Variants in CSF1 observed in about 807,000 individuals in gnomAD.
The protein encoded by CSF1 is colony stimulating factor 1.
In CSF1, 9 loss-of-function variants were observed where a neutral mutation model predicts 48.9. The observed-to-expected ratio is 0.18, with a 90% CI of 0.11 to 0.32. The LOEUF is 0.32. Among genes scored for constraint, CSF1 ranks in the 10% least tolerant of loss-of-function variants. CSF1 has a pLI of 1.00. For missense variants in CSF1, 672 were observed against 697.9 expected (o/e 0.96, Z 0.42); for synonymous variants, 305 against 284.1 (o/e 1.07, Z -0.74).
In CSF1 at chr1:109,923,411, C is replaced by T; in HGVS notation, c.790C>T (p.Pro264Ser). 1 of 1,614,004 alleles carries T rather than the reference C, an allele frequency of 6.2e-7. No homozygotes were observed. The highest frequency in any genetic ancestry group is 1.3e-5 in the African/African-American group (1 of 75,018). The part of the protein sequence containing the change: ...PRSTCQSFEP[P>S]ETPVVKDSTI... ...GAGCACCTGCCAGAGCTTTGAGCCG[C>T]CAGAGACCCCAGTTGTCAAGGACAG... The change falls in exon 6 of 9, where the codon CCA (proline) becomes TCA (serine). Residue 264 changes from proline to serine, a missense_variant. Around this residue, in one of 3 missense-constraint regions of CSF1, gnomAD observed 591 missense variants for 593.6 expected, o/e 1.00. Coordinates refer to ENST00000329608, the MANE Select transcript of CSF1 (RefSeq NM_000757.6).
rs777128320 is a variant in CSF1 at position 109,923,610 on chromosome 1, G to C, written c.989G>C (p.Gly330Ala). The change falls in exon 6 of 9, where the codon GGG (glycine) becomes GCG (alanine). Residue 330 changes from glycine to alanine, a missense_variant. Gly to Ala is a moderately conservative substitution (Grantham distance 60, BLOSUM62 0). Coordinates refer to ENST00000329608, the MANE Select transcript of CSF1 (RefSeq NM_000757.6). Reference sequence around the variant, plus strand: ...GAGCTTTCCCCCTCCAGGCCAGGAGGGGGCAGCATGCAGACAGAGCCCGCC... The same window carrying C: ...GAGCTTTCCCCCTCCAGGCCAGGAGCGGGCAGCATGCAGACAGAGCCCGCC... The part of the protein sequence containing the change: ...GTELSPSRPG[G>A]GSMQTEPARP... 17 of 1,614,032 alleles carry C rather than the reference G, an allele frequency of 1.1e-5. No homozygotes were observed. In the African/African-American group the frequency reaches 1.7e-4, roughly 16 times the overall value.
In CSF1 at chr1:109,910,998, C is replaced by A. The variant is rs1347288715; in HGVS notation, c.-26C>A. 2 of 1,164,560 alleles carry A rather than the reference C, an allele frequency of 1.7e-6. No individual in the cohort carries two copies. Among genetic ancestry groups the A allele is most frequent in the African/African-American group, 1.6e-5 (1 of 61,242 alleles). 72.1% of individuals were successfully genotyped at this position (1,164,560 alleles called of 1,614,324 possible). A position where few individuals can be genotyped will look rare whatever the true frequency, so the allele number is the denominator to read the frequency against. ...AGCGAGCGAGCGAGGGCGGCCGACG[C>A]GCCCGGCCGGGACCCAGCTGCCCGT... On this transcript the variant is annotated 5_prime_UTR_variant, in exon 1 of 9. Transcript: ENST00000329608.
At chr1:109,917,555 A>G in intron 4 of CSF1, 92 bp downstream of exon 4, 1 of 1,235,440 alleles carries the variant, frequency 8.1e-7, no homozygotes, top group East Asian at 2.3e-5. Flanking sequence ...ACATTCGCTC[A>G]CCTCGCCTCA....
intron 4 of CSF1, 75 bp from the exon 5 acceptor site, chr1:109,921,772 G>A: frequency 6.9e-7 from 1 of 1,459,596 alleles, no homozygotes; most frequent in Non-Finnish European, 9.1e-7. Context: ...GAAAGGCCAA[G>A]GGAATTTGAC....
intron 1 of CSF1, among the ~76,000 whole-genome samples, chr1:109,913,844 C>T (rs773110753): frequency 1.6e-4 from 24 of 152,226 alleles, no homozygotes; most frequent in Non-Finnish European, 3.2e-4. Context: ...GGTGCATGAA[C>T]ATGAACTTGA....
chr1:109,913,762 G>A (rs958984952), intron 1 of CSF1, among the ~76,000 whole-genome samples: 1 of 152,250 alleles, frequency 6.6e-6, no homozygotes, highest in African/African-American at 2.4e-5. Context: ...GGCAGAGCCA[G>A]ATCTGCATGG....
At chr1:109,914,122 G>A in intron 1 of CSF1, 137 bp from the exon 2 acceptor site, 1 of 919,574 alleles carries the variant, frequency 1.1e-6, no homozygotes, top group Non-Finnish European at 1.5e-6. Context: ...TGGATTTGAG[G>A]GATGCTGTAT....
chr1:109,923,494 G>A lies in CSF1; in HGVS notation c.873G>A (p.Met291Ile), dbSNP rs1288477762. Reference sequence around the variant, plus strand: ...CTGTCGGGGCCTTCAACCCCGGGATGGAGGATATTCTTGACTCTGCAATGG... The same window carrying A: ...CTGTCGGGGCCTTCAACCCCGGGATAGAGGATATTCTTGACTCTGCAATGG... ...RPSVGAFNPG[M>I]EDILDSAMGT... is the part of the protein sequence containing the mutation. The change falls in exon 6 of 9, where the codon ATG becomes ATA. Residue 291 changes from methionine to isoleucine, a missense_variant. Coordinates refer to ENST00000329608, the MANE Select transcript of CSF1 (RefSeq NM_000757.6). 3.1e-6 allele frequency: 5 copies of A among 1,614,032 alleles called. No homozygotes were observed. In the African/African-American group the frequency reaches 5.3e-5, roughly 17 times the overall value.
At chr1:109,928,519 G>A (rs867311837) in intron 8 of CSF1, among the ~76,000 whole-genome samples, 1 of 152,188 alleles carries the variant, frequency 6.6e-6, no homozygotes, top group African/African-American at 2.4e-5. Flanking sequence ...TCAAGTGCCC[G>A]CTTCGCTCCT....
intron 4 of CSF1, among the ~76,000 whole-genome samples, chr1:109,921,399 T>A (rs150516386): frequency 2.0e-5 from 3 of 152,372 alleles, no homozygotes; most frequent in African/African-American, 7.2e-5. Flanking sequence ...ATCCCATCTC[T>A]TTCCTGGTTT....
At chr1:109,915,732 C>G (rs747676707) in intron 3 of CSF1, 36 bp downstream of exon 3, 3 of 1,544,342 alleles carry the variant, frequency 1.9e-6, no homozygotes, top group Middle Eastern at 1.7e-4. Flanking sequence ...CATGCACCAG[C>G]CTGCATGCAA....
intron 3 of CSF1, among the ~76,000 whole-genome samples, chr1:109,916,618 C>G (rs934034020): frequency 2.0e-4 from 30 of 152,162 alleles, no homozygotes; most frequent in Admixed American, 1.6e-3. Context: ...GCCTTGATAC[C>G]CAGAAGTTGC....
At chr1:109,919,646 G>A (rs1647425153) in intron 4 of CSF1, among the ~76,000 whole-genome samples, 1 of 152,164 alleles carries the variant, frequency 6.6e-6, no homozygotes, top group African/African-American at 2.4e-5. Context: ...CCCCTAGAGA[G>A]TCTGATACAC....
chr1:109,923,683 A>G lies in CSF1; in HGVS notation c.1062A>G (p.Ala354=), dbSNP rs113388421. ...LSASSPLPAS[A]KGQQPADVTG... ...CATCTTCTCCACTCCCTGCATCAGC[A>G]AAGGGCCAACAGCCGGCAGATGTAA... The change falls in exon 6 of 9, where the codon GCA becomes GCG. Residue 354 remains alanine (A), a synonymous_variant. Transcript: ENST00000329608. 2.7e-5 allele frequency: 43 copies of G among 1,613,724 alleles called. 1 individual carries two copies. Among genetic ancestry groups the G allele is most frequent in the African/African-American group, 2.1e-4 (16 of 75,028 alleles).
In CSF1 at chr1:109,924,084, C is replaced by A. The variant is rs1299662412; in HGVS notation, c.1463C>A (p.Ser488Tyr). The part of the protein sequence containing the change: ...DTGHERQSEG[S>Y]FSPQLQESVF... ...GGCCATGAGAGGCAGTCCGAGGGAT[C>A]CTTCAGCCCGCAGCTCCAGGAGTCT... Residue 488 changes from serine (S) to tyrosine (Y), a missense_variant, in exon 6 of 9, where the codon TCC becomes TAC. Coordinates refer to ENST00000329608, the MANE Select transcript of CSF1 (RefSeq NM_000757.6). The A allele has an allele frequency of 6.2e-7, 1 of 1,614,202 alleles. No individual in the cohort carries two copies. Among genetic ancestry groups the A allele is most frequent in the Admixed American group, 1.7e-5 (1 of 60,030 alleles).
chr1:109,913,248 T>C (rs79645118), intron 1 of CSF1, among the ~76,000 whole-genome samples: 9,629 of 152,314 alleles, frequency 0.063, 332 homozygotes, highest in African/African-American at 0.086. Context: ...AGTGTCAACC[T>C]TCACCCTACC....
chr1:109,920,538 C>T lies in CSF1; in HGVS notation c.397-1309C>T, dbSNP rs530266019. Among the ~76,000 whole-genome samples the T allele has an allele frequency of 1.3e-3, 196 of 152,252 alleles. 1 individual carries two copies. The highest frequency in any genetic ancestry group is 4.6e-3 in the African/African-American group (189 of 41,530). On this transcript the variant is annotated intron_variant, in intron 4 of 8. Transcript: ENST00000329608. Reference sequence around the variant, plus strand: ...TTCACCATGTTGGTCAGGCTGATCTCGAACTCCTGACCTCGTGATCAGCCT... The same window carrying T: ...TTCACCATGTTGGTCAGGCTGATCTTGAACTCCTGACCTCGTGATCAGCCT...
At chr1:109,925,762 A>G (rs1422952643) in intron 8 of CSF1, among the ~76,000 whole-genome samples, 1 of 152,104 alleles carries the variant, frequency 6.6e-6, no homozygotes, top group African/African-American at 2.4e-5. Flanking sequence ...TCCCACCCCA[A>G]AGGGACTGCC....
At position 109,925,191 on chromosome 1, in the gene CSF1, G is replaced by A; in HGVS notation, c.*2G>A. 11 of 1,613,852 alleles carry A rather than the reference G, an allele frequency of 6.8e-6. No homozygotes were observed. Among genetic ancestry groups the A allele is most frequent in the Non-Finnish European group, 9.3e-6 (11 of 1,179,864 alleles). On this transcript the variant is annotated 3_prime_UTR_variant, in exon 8 of 9. Coordinates refer to ENST00000329608, the MANE Select transcript of CSF1 (RefSeq NM_000757.6). ...AGACAGGTGGAACTGCCAGTGTAGA[G>A]GGAATTCTAAGGTAAGATTCTGACT...
Sources: gnomAD v4.1 joint callset for allele counts (sites outside exome capture counted in the v4.1 genomes callset) on GRCh38, gnomAD v4.1.1 for gene constraint, gnomAD v4.1.1 regional missense constraint, MANE v1.5 for transcripts, NCBI Gene and HGNC (gene_info 2026-07-23, HGNC 2026-07-21) for gene names.